MGAT4C: variants seen among roughly 807,000 people sequenced by gnomAD.
MGAT4C encodes the protein alpha-1,3-mannosyl-glycoprotein 4-beta-N-acetylglucosaminyltransferase C.
In MGAT4C, 19 loss-of-function variants were observed where a neutral mutation model predicts 40.1. That is an observed-to-expected ratio of 0.47 (90% CI 0.33 to 0.70). MGAT4C has a LOEUF of 0.70. MGAT4C is among the 30% of genes least tolerant of loss of function. The pLI, the probability that MGAT4C is intolerant of heterozygous loss-of-function variation, is 0.02. For missense variants in MGAT4C, 491 were observed against 563.2 expected (o/e 0.87, Z 1.30); for synonymous variants, 181 against 187.1 (o/e 0.97, Z 0.27).
intron 1 of MGAT4C, among the ~76,000 whole-genome samples, chr12:86,728,067 A>C (rs565653843): frequency 6.6e-6 from 1 of 152,212 alleles, no homozygotes; most frequent in Non-Finnish European, 1.5e-5. Flanking sequence ...TTATTCAGAT[A>C]AAAGTTAACT....
chr12:86,011,225 G>A (rs1888436238), intron 2 of MGAT4C, among the ~76,000 whole-genome samples: 1 of 152,092 alleles, frequency 6.6e-6, no homozygotes, highest in African/African-American at 2.4e-5. Flanking sequence ...TAGATCAAGA[G>A]GCCAAAAATT....
At chr12:86,509,421 T>G (rs1344404235) in intron 2 of MGAT4C, among the ~76,000 whole-genome samples, 1 of 152,214 alleles carries the variant, frequency 6.6e-6, no homozygotes, top group Non-Finnish European at 1.5e-5. Context: ...TTGATCTATA[T>G]CTCTGTTTTG....
At chr12:86,226,649 G>A (rs898460074) in intron 1 of MGAT4C, among the ~76,000 whole-genome samples, 2 of 151,836 alleles carry the variant, frequency 1.3e-5, no homozygotes, top group Non-Finnish European at 2.9e-5. Context: ...TTCATAGTCA[G>A]CTATATATTT....
In MGAT4C at chr12:86,461,286, C is replaced by A. The variant is rs112182111; in HGVS notation, c.-228-26021G>T. On this transcript the variant is annotated intron_variant, in intron 2 of 7. Coordinates refer to the MGAT4C transcript ENST00000548651. ...CGGAGTCTCGCTCTGTCGCCCAGGT[C>A]GGACTGCGGACTGCAGTGGCGCAAT... Among the ~76,000 whole-genome samples, 4 of 139,072 alleles carry A rather than the reference C, an allele frequency of 2.9e-5. No homozygotes were observed. In the East Asian group the frequency reaches 8.5e-4, roughly 29 times the overall value. The allele number at this position is 139,072 out of a possible 152,430, so 91.2% of individuals were successfully genotyped here.
intron 1 of MGAT4C, among the ~76,000 whole-genome samples, chr12:86,246,441 A>G (rs1160201644): frequency 6.6e-6 from 1 of 152,100 alleles, no homozygotes; most frequent in Non-Finnish European, 1.5e-5. Context: ...ACAGTTTACC[A>G]TCTATAAACA....
chr12:86,077,317 A>G (rs1004810834), intron 1 of MGAT4C, among the ~76,000 whole-genome samples: 4 of 152,232 alleles, frequency 2.6e-5, no homozygotes, highest in Non-Finnish European at 4.4e-5. Context: ...TCCTTCATGC[A>G]ACCAGAAATG....
intron 1 of MGAT4C, among the ~76,000 whole-genome samples, chr12:86,232,719 A>G (rs1229213227): frequency 1.3e-5 from 2 of 152,140 alleles, no homozygotes; most frequent in Non-Finnish European, 2.9e-5. Flanking sequence ...GCCCTCAGCC[A>G]CTCTGGTATT....
At chr12:86,790,003 C>T (rs2136191941) in intron 1 of MGAT4C, among the ~76,000 whole-genome samples, 1 of 152,212 alleles carries the variant, frequency 6.6e-6, no homozygotes, top group Non-Finnish European at 1.5e-5. Flanking sequence ...AATGTGGTGT[C>T]ATTCATTCTT....
chr12:86,010,396 T>C (rs1418027123), intron 2 of MGAT4C, among the ~76,000 whole-genome samples: 1 of 152,154 alleles, frequency 6.6e-6, no homozygotes, highest in Admixed American at 6.5e-5. Context: ...AAACCCATGT[T>C]GAGGATAGAC....
chr12:86,434,354 T>C (rs2405794), intron 3 of MGAT4C, among the ~76,000 whole-genome samples: 14,962 of 152,006 alleles, frequency 0.098, 999 homozygotes, highest in Middle Eastern at 0.25. Flanking sequence ...ATTGCTTTAA[T>C]ATGTAAATGT....
chr12:86,702,446 A>G (rs755962369), intron 2 of MGAT4C, among the ~76,000 whole-genome samples: 21 of 152,160 alleles, frequency 1.4e-4, no homozygotes, highest in Admixed American at 5.2e-4. Flanking sequence ...TCAAAGCTTC[A>G]AAGGACAGGC....
chr12:86,764,812 G>T (rs374109551), intron 1 of MGAT4C, among the ~76,000 whole-genome samples: 9 of 152,022 alleles, frequency 5.9e-5, no homozygotes, highest in Non-Finnish European at 1.2e-4. Flanking sequence ...GGTCCTGTCT[G>T]TTAGAAGGAA....
At chr12:86,601,456 C>T (rs1453313907) in intron 2 of MGAT4C, among the ~76,000 whole-genome samples, 2 of 152,050 alleles carry the variant, frequency 1.3e-5, no homozygotes, top group East Asian at 1.9e-4. Context: ...CACTCAAGCC[C>T]CTGGGGACTA....
At chr12:86,745,810 A>G (rs1320166951) in intron 1 of MGAT4C, among the ~76,000 whole-genome samples, 1 of 151,676 alleles carries the variant, frequency 6.6e-6, no homozygotes, top group East Asian at 1.9e-4. Flanking sequence ...AAGATATGGA[A>G]TGACTGAATA....
At chr12:86,228,414 T>C (rs1951182365) in intron 1 of MGAT4C, among the ~76,000 whole-genome samples, 2 of 151,872 alleles carry the variant, frequency 1.3e-5, no homozygotes, top group African/African-American at 4.8e-5. Context: ...ATGCACACAA[T>C]AAATATTTTT....
chr12:86,772,206 G>C (rs1951652005), intron 1 of MGAT4C, among the ~76,000 whole-genome samples: 1 of 152,160 alleles, frequency 6.6e-6, no homozygotes, highest in African/African-American at 2.4e-5. Flanking sequence ...TGGTTATCCA[G>C]GAAAGATCTG....
intron 3 of MGAT4C, among the ~76,000 whole-genome samples, chr12:86,394,481 TATATATAC>T (rs1956212342): frequency 7.0e-6 from 1 of 142,332 alleles, no homozygotes; most frequent in African/African-American, 2.6e-5. Context: ...TACTTTTTTA[TATATATAC>T]TTTATATATA....
intron 2 of MGAT4C, among the ~76,000 whole-genome samples, chr12:86,694,271 T>G (rs1325079837): frequency 6.6e-6 from 1 of 152,116 alleles, no homozygotes. Context: ...TCTATTGTAC[T>G]TTCTGTAAAT....
intron 3 of MGAT4C, among the ~76,000 whole-genome samples, chr12:86,423,884 T>C (rs1956877432): frequency 6.6e-6 from 1 of 152,170 alleles, no homozygotes. Flanking sequence ...GCCATACCCA[T>C]ACAAGCTAAA....
Sources: allele counts gnomAD v4.1 joint callset (sites outside exome capture counted in the v4.1 genomes callset), GRCh38; gene constraint gnomAD v4.1.1; transcripts MANE v1.5; gene names NCBI Gene and HGNC (gene_info 2026-07-23, HGNC 2026-07-21).